The following NBEA variants were observed in gnomAD, a reference collection of about 807,000 sequenced individuals.
The protein encoded by NBEA is neurobeachin.
Under a neutral mutation model 343.4 loss-of-function variants are expected in NBEA, and 44 were observed. The ratio of observed to expected loss-of-function variants is 0.13; its 90% CI spans 0.10 to 0.16. The LOEUF (loss-of-function observed/expected upper bound fraction) is 0.16, where lower values mean the gene tolerates loss of function less well. Among genes scored for constraint, NBEA ranks in the 10% least tolerant of loss-of-function variants. The pLI, the probability that NBEA is intolerant of heterozygous loss-of-function variation, is 1.00. For missense variants in NBEA, 2,555 were observed against 3,631.3 expected (o/e 0.70, Z 7.62); for synonymous variants, 1,175 against 1,238.7 (o/e 0.95, Z 1.08).
chr13:35,315,324 A>G (rs2037642829), intron 36 of NBEA, among the ~76,000 whole-genome samples: 1 of 152,190 alleles, frequency 6.6e-6, no homozygotes. Flanking sequence ...ATAAATGTGC[A>G]TCTGAATTAA....
At chr13:35,095,104 A>G (rs1593326216) in intron 10 of NBEA, among the ~76,000 whole-genome samples, 1 of 151,782 alleles carries the variant, frequency 6.6e-6, no homozygotes, top group East Asian at 1.9e-4. Flanking sequence ...TTATATATTC[A>G]CTCTTAATCA....
At chr13:35,534,611 T>C (rs962399560) in intron 41 of NBEA, among the ~76,000 whole-genome samples, 5 of 152,206 alleles carry the variant, frequency 3.3e-5, no homozygotes, top group African/African-American at 1.2e-4. Flanking sequence ...ACCTCTGTAC[T>C]TGGAGTGGAA....
chr13:35,413,062 A>G (rs939596683), intron 38 of NBEA, among the ~76,000 whole-genome samples: 3 of 152,200 alleles, frequency 2.0e-5, no homozygotes, highest in Admixed American at 1.3e-4. Context: ...CTAAAGTGGT[A>G]GGAAGGGAAT....
chr13:35,629,586 C>T (rs2083368662), intron 49 of NBEA, among the ~76,000 whole-genome samples: 1 of 151,944 alleles, frequency 6.6e-6, no homozygotes, highest in South Asian at 2.1e-4. Flanking sequence ...TTGCCTGAAG[C>T]CAAGAGAAAA....
chr13:34,985,164 TG>T (rs2060500924), intron 1 of NBEA, among the ~76,000 whole-genome samples: 1 of 151,068 alleles, frequency 6.6e-6, no homozygotes. Context: ...AGTATGATAT[TG>T]GCTGTGTGTT....
rs564008601 is a variant in NBEA at position 35,456,936 on chromosome 13, A to G, written c.6448+4701A>G. ...AATTGTAATAATTTTTTTTGTTTGC[A>G]TATATATTTGCTGTTAGCAATAACA... On this transcript the variant is annotated intron_variant, in intron 40 of 58. Coordinates refer to ENST00000379939, the MANE Select transcript of NBEA (RefSeq NM_001385012.1). Among the ~76,000 whole-genome samples the G allele has an allele frequency of 1.3e-4, 19 of 151,386 alleles. No individual in the cohort carries two copies. The South Asian group carries it at 3.7e-3, about 30-fold the overall frequency.
intron 38 of NBEA, among the ~76,000 whole-genome samples, chr13:35,408,048 G>A (rs912773825): frequency 6.6e-6 from 1 of 152,044 alleles, no homozygotes; most frequent in Non-Finnish European, 1.5e-5. Flanking sequence ...AGCCCAAATA[G>A]CCAATGCAAT....
intron 39 of NBEA, among the ~76,000 whole-genome samples, chr13:35,449,290 A>G (rs911534068): frequency 2.6e-5 from 4 of 152,246 alleles, no homozygotes; most frequent in African/African-American, 9.6e-5. Context: ...TCACTCTGAC[A>G]AAAGTATGGA....
At chr13:35,619,158 C>T (rs2082868952) in intron 48 of NBEA, among the ~76,000 whole-genome samples, 1 of 151,056 alleles carries the variant, frequency 6.6e-6, no homozygotes, top group Non-Finnish European at 1.5e-5. Context: ...GAATTTTAAG[C>T]AAATAACATA....
At chr13:35,272,272 G>A (rs2034222350) in intron 34 of NBEA, among the ~76,000 whole-genome samples, 1 of 152,130 alleles carries the variant, frequency 6.6e-6, no homozygotes. Flanking sequence ...GTAAGTGAAG[G>A]AGAAATAAAA....
intron 1 of NBEA, among the ~76,000 whole-genome samples, chr13:34,974,957 C>T (rs1310479768): frequency 6.6e-6 from 1 of 152,124 alleles, no homozygotes; most frequent in Non-Finnish European, 1.5e-5. Context: ...CTAGTTTTCA[C>T]AATTTTTACC....
chr13:35,266,350 G>T (rs2152801480), intron 34 of NBEA, among the ~76,000 whole-genome samples: 1 of 150,624 alleles, frequency 6.6e-6, no homozygotes, highest in South Asian at 2.1e-4. Flanking sequence ...GTATCCAAAG[G>T]AAATTGAATT....
rs537879096 is a variant in NBEA, at chr13:35,160,095, A to C, written c.3861+63A>C. Reference sequence around the variant, plus strand: ...ATGCATTGAAGAGTTGTTAGCACCAAAACAGAGTAATTTCTTATCAGTTAC... The same window carrying C: ...ATGCATTGAAGAGTTGTTAGCACCACAACAGAGTAATTTCTTATCAGTTAC... On this transcript the variant is annotated intron_variant, in intron 22 of 58. Coordinates refer to ENST00000379939, the MANE Select transcript of NBEA (RefSeq NM_001385012.1). 4 of 1,370,296 alleles carry C rather than the reference A, an allele frequency of 2.9e-6. No individual in the cohort carries two copies. In the East Asian group the frequency reaches 1.0e-4, roughly 34 times the overall value. 84.9% of individuals were successfully genotyped at this position (1,370,296 alleles called of 1,614,324 possible).
chr13:35,307,220 A>T (rs1177882484), intron 35 of NBEA, among the ~76,000 whole-genome samples: 1 of 151,974 alleles, frequency 6.6e-6, no homozygotes, highest in Non-Finnish European at 1.5e-5. Flanking sequence ...TATTTGAAAT[A>T]CTCATTTAGA....
chr13:35,169,032 T>C, intron 25 of NBEA, 37 bp downstream of exon 25: 1 of 1,446,092 alleles, frequency 6.9e-7, no homozygotes, highest in South Asian at 1.4e-5. Flanking sequence ...CAGCTTTCAG[T>C]TTCAAGTTTT....
intron 38 of NBEA, among the ~76,000 whole-genome samples, chr13:35,423,581 C>T (rs1285193739): frequency 2.5e-4 from 38 of 152,168 alleles, no homozygotes; most frequent in Middle Eastern, 6.8e-3. Context: ...AGTCAGGTAG[C>T]GTGATGCCTC....
At chr13:35,593,223 C>A in intron 46 of NBEA, 105 bp from the exon 47 acceptor site, 1 of 1,299,250 alleles carries the variant, frequency 7.7e-7, no homozygotes, top group Non-Finnish European at 1.1e-6. Context: ...GGACCCTGAT[C>A]TGCCTCCACA....
rs761480488 is a variant in NBEA, at chr13:34,942,920, G to A, written c.100G>A (p.Gly34Ser). The A allele has an allele frequency of 6.5e-7, 1 of 1,527,342 alleles. No homozygotes were observed. The allele number at this position is 1,527,342 out of a possible 1,614,324, so 94.6% of individuals were successfully genotyped here. The change falls in exon 1 of 59, where the codon GGT becomes AGT. Residue 34 changes from glycine to serine, a missense_variant. This residue lies in a region of NBEA where 122 missense variants were observed against 91.0 expected (regional missense o/e 1.34). Transcript: ENST00000379939. ...AAGGGGGGSGGGGTGGSGMGE... is the reference protein window; with the variant it reads ...AAGGGGGGSGSGGTGGSGMGE... ...TGGCGGAGGCGGCGGGGGCAGCGGT[G>A]GTGGCGGCACCGGGGGCAGCGGGAT...
intron 38 of NBEA, among the ~76,000 whole-genome samples, chr13:35,392,393 A>C (rs1194214482): frequency 6.6e-6 from 1 of 151,932 alleles, no homozygotes; most frequent in Non-Finnish European, 1.5e-5. Context: ...AAAGCCCTGA[A>C]GTATGTAAAT....
Sources: gnomAD v4.1 joint callset for allele counts (sites outside exome capture counted in the v4.1 genomes callset) on GRCh38, gnomAD v4.1.1 for gene constraint, gnomAD v4.1.1 regional missense constraint, MANE v1.5 for transcripts, NCBI Gene and HGNC (gene_info 2026-07-23, HGNC 2026-07-21) for gene names.